DHTKD1: variants seen among roughly 807,000 people sequenced by gnomAD.
The protein encoded by DHTKD1 is 2-oxoadipate dehydrogenase complex component E1.
DHTKD1 carries 78 observed loss-of-function variants against 101.8 expected under a neutral mutation model. The ratio of observed to expected loss-of-function variants is 0.77; its 90% confidence interval spans 0.64 to 0.93. The LOEUF is 0.93. Ranked by LOEUF, DHTKD1 falls within the 40% of genes least tolerant of loss-of-function variation. The pLI, the probability that DHTKD1 is intolerant of heterozygous loss-of-function variation, is 0.00. For synonymous variants in DHTKD1, 462 were observed against 450.3 expected (o/e 1.03, Z -0.33); for missense variants, 1,223 against 1,161.7 (o/e 1.05, Z -0.77).
chr10:12,100,269 A>AT lies in DHTKD1; in HGVS notation c.1756+11dup. 6.0e-6 allele frequency: 3 copies of AT among 499,044 alleles called. No homozygotes were observed. Among genetic ancestry groups the AT allele is most frequent in the South Asian group, 3.5e-5 (1 of 28,956 alleles). 30.9% of individuals were successfully genotyped at this position (499,044 alleles called of 1,614,324 possible). On this transcript the variant is annotated splice_region_variant and intron_variant, in intron 9 of 16. Coordinates refer to ENST00000263035, the MANE Select transcript of DHTKD1 (RefSeq NM_018706.7). ...GGTTCTTTACTTGCTCAAGGTAAGA[A>AT]TTTTCTTTTTTTTTTCTGTTTTTTT...
rs770009261 is a variant in DHTKD1, at chr10:12,094,167, G to T, written c.1254G>T (p.Gln418His). The T allele has an allele frequency of 6.2e-7, 1 of 1,614,046 alleles. No homozygotes were observed. The highest frequency in any genetic ancestry group is 1.3e-5 in the African/African-American group (1 of 74,916). ...GACTGGCTTTTGAATACCAACGCCA[G>T]TTCCGCAAGGATGTGATTATTGATC... ...ATRLAFEYQR[Q>H]FRKDVIIDLL... Residue 418 changes from glutamine to histidine, a missense_variant, in exon 7 of 17, where the codon CAG becomes CAT. By Grantham distance (24) the Gln-to-His change is conservative. Coordinates refer to ENST00000263035, the MANE Select transcript of DHTKD1 (RefSeq NM_018706.7).
intron 6 of DHTKD1, 150 bp downstream of exon 6, chr10:12,091,834 T>G: frequency 1.6e-6 from 1 of 622,520 alleles, no homozygotes; most frequent in South Asian, 2.8e-5. Context: ...AGATGGAGTC[T>G]TGCTCTGTCA....
chr10:12,073,067 C>T (rs1056648255), intron 1 of DHTKD1, among the ~76,000 whole-genome samples: 5 of 149,870 alleles, frequency 3.3e-5, no homozygotes, highest in Non-Finnish European at 7.4e-5. Context: ...CACAGTCACT[C>T]CGTGGCCCAG....
At chr10:12,097,610 G>A in intron 7 of DHTKD1, 74 bp from the exon 8 acceptor site, 1 of 1,347,604 alleles carries the variant, frequency 7.4e-7, no homozygotes, top group Non-Finnish European at 1.0e-6. Flanking sequence ...CACCGCCCTT[G>A]ACAGTGACTC....
chr10:12,076,572 C>A (rs1183615437), intron 1 of DHTKD1, among the ~76,000 whole-genome samples: 5 of 152,140 alleles, frequency 3.3e-5, no homozygotes, highest in Non-Finnish European at 2.9e-5. Context: ...ATGACGTGCA[C>A]CTGTAATCCC....
chr10:12,079,552 C>T (rs1402056859), intron 1 of DHTKD1, among the ~76,000 whole-genome samples: 1 of 152,056 alleles, frequency 6.6e-6, no homozygotes, highest in Non-Finnish European at 1.5e-5. Context: ...CCTGTAGTCC[C>T]AGCTACTCAG....
At chr10:12,104,668 A>G (rs941471036) in intron 10 of DHTKD1, among the ~76,000 whole-genome samples, 2 of 152,078 alleles carry the variant, frequency 1.3e-5, no homozygotes, top group African/African-American at 2.4e-5. Context: ...ATCACTGCTC[A>G]CTGCAGCCTC....
chr10:12,115,449 T>A (rs1412793362), intron 13 of DHTKD1, among the ~76,000 whole-genome samples: 1 of 152,122 alleles, frequency 6.6e-6, no homozygotes, highest in African/African-American at 2.4e-5. Flanking sequence ...AGGTACTCAT[T>A]CTCAGGGGCG....
intron 10 of DHTKD1, among the ~76,000 whole-genome samples, chr10:12,102,565 A>C (rs1833188345): frequency 6.6e-6 from 1 of 151,992 alleles, no homozygotes; most frequent in Non-Finnish European, 1.5e-5. Flanking sequence ...CTAGATACTG[A>C]AATGTTTAGC....
Position 12,106,329 on chromosome 10 carries a change from G to T in DHTKD1, c.1980G>T (p.Leu660=), listed in dbSNP as rs1050041160. Residue 660 remains leucine (L), a synonymous_variant, in exon 11 of 17, where the codon CTG becomes CTT. Coordinates refer to ENST00000263035, the MANE Select transcript of DHTKD1 (RefSeq NM_018706.7). The part of the protein sequence containing the change: ...MSIESPKLLP[L]WEAQFGDFFN... ...TTGAGAGCCCAAAGTTACTGCCCCTGTGGGAGGCACAGTTTGGCGATTTCT... is the reference window on the plus strand; with the variant it reads ...TTGAGAGCCCAAAGTTACTGCCCCTTTGGGAGGCACAGTTTGGCGATTTCT... 37 of 1,614,058 alleles carry T rather than the reference G, an allele frequency of 2.3e-5. No individual in the cohort carries two copies. The highest frequency in any genetic ancestry group is 3.1e-5 in the Non-Finnish European group (36 of 1,180,040).
rs1564399573 is a variant in DHTKD1, at chr10:12,117,749, C to CA, written c.2402dup (p.Val802GlyfsTer2). 2 of 1,576,918 alleles carry CA rather than the reference C, an allele frequency of 1.3e-6. No individual in the cohort carries two copies. Among genetic ancestry groups the CA allele is most frequent in the Non-Finnish European group, 1.7e-6 (2 of 1,154,170 alleles). On this transcript the variant is annotated frameshift_variant, in exon 14 of 17. Transcript: ENST00000263035. LOFTEE classifies it high-confidence loss of function. ...GTCATTGGTGATTCATCTGTGGATC[C>CA]AAAAAAGTAAGATATGTATCTCTGT...
chr10:12,083,268 C>T (rs936035095), intron 2 of DHTKD1, among the ~76,000 whole-genome samples: 1 of 144,570 alleles, frequency 6.9e-6, no homozygotes, highest in Non-Finnish European at 1.5e-5. Context: ...TAACACTAAT[C>T]ATAGCTAATG....
Position 12,123,093 on chromosome 10 carries a change from T to C in DHTKD1, c.*2205T>C, listed in dbSNP as rs1833549724. ...TGTATCCTTCCTGTGTCAAGCCTTATAAATCATGTAATTTAGTGCCACTCA... is the reference window on the plus strand; with the variant it reads ...TGTATCCTTCCTGTGTCAAGCCTTACAAATCATGTAATTTAGTGCCACTCA... On this transcript the variant is annotated 3_prime_UTR_variant, in exon 17 of 17. Coordinates refer to ENST00000263035, the MANE Select transcript of DHTKD1 (RefSeq NM_018706.7). The C allele has an allele frequency of 6.6e-6, 1 of 152,228 alleles. No individual in the cohort carries two copies. The highest frequency in any genetic ancestry group is 2.4e-5 in the African/African-American group (1 of 41,452). 9.4% of individuals were successfully genotyped at this position (152,228 alleles called of 1,614,324 possible). A position where few individuals can be genotyped will look rare whatever the true frequency, so the allele number is the denominator to read the frequency against.
At chr10:12,075,316 T>C (rs1367780982) in intron 1 of DHTKD1, among the ~76,000 whole-genome samples, 1 of 152,074 alleles carries the variant, frequency 6.6e-6, no homozygotes, top group African/African-American at 2.4e-5. Context: ...GTAGCTGGGG[T>C]TGCAGGTGCT....
intron 8 of DHTKD1, among the ~76,000 whole-genome samples, chr10:12,099,530 G>C (rs886801550): frequency 6.6e-6 from 1 of 152,020 alleles, no homozygotes; most frequent in Non-Finnish European, 1.5e-5. Context: ...CCACTAAAAA[G>C]TACAAAAATT....
chr10:12,072,043 A>G (rs12358983), intron 1 of DHTKD1, among the ~76,000 whole-genome samples: 19,453 of 152,182 alleles, frequency 0.13, 1,435 homozygotes, highest in Middle Eastern at 0.27. Flanking sequence ...GCAGTGGTGC[A>G]GTCACAGCTC....
chr10:12,091,063 CA>C (rs910394269), intron 5 of DHTKD1, among the ~76,000 whole-genome samples: 12 of 151,238 alleles, frequency 7.9e-5, no homozygotes, highest in African/African-American at 2.9e-4. Flanking sequence ...CAAAAAAAAA[CA>C]AAAAAAGATT....
intron 5 of DHTKD1, among the ~76,000 whole-genome samples, chr10:12,090,151 A>T (rs919418860): frequency 6.6e-6 from 1 of 152,190 alleles, no homozygotes; most frequent in African/African-American, 2.4e-5. Context: ...TCATTTAAAT[A>T]TGAACCTTTA....
chr10:12,116,267 G>A (rs1833415407), intron 13 of DHTKD1: 1 of 152,046 alleles, frequency 6.6e-6, no homozygotes, highest in Non-Finnish European at 1.5e-5. Context: ...CAGGCAAAAG[G>A]TAATCTTTTC....
Sources: allele counts gnomAD v4.1 joint callset (sites outside exome capture counted in the v4.1 genomes callset), GRCh38; gene constraint gnomAD v4.1.1; transcripts MANE v1.5; gene names NCBI Gene and HGNC (gene_info 2026-07-23, HGNC 2026-07-21).